The following RNF157 variants were observed in gnomAD, a reference collection of about 807,000 sequenced individuals.
RNF157 encodes the protein ring finger protein 157.
RNF157 carries 55 observed loss-of-function variants against 88.3 expected under a neutral mutation model. The observed-to-expected ratio is 0.62, with a 90% CI of 0.50 to 0.78. The LOEUF is 0.78. Ranked by LOEUF, RNF157 falls within the 30% of genes least tolerant of loss-of-function variation. The pLI is 0.00. For missense variants in RNF157, 788 were observed against 860.8 expected, an observed-to-expected ratio of 0.92 and a Z score of 1.06; for synonymous variants, 334 against 341.2, an observed-to-expected ratio of 0.98 and a Z score of 0.23.
chr17:76,156,180 A>G, intron 14 of RNF157, 30 bp downstream of exon 14: 1 of 1,532,072 alleles, frequency 6.5e-7, no homozygotes, highest in South Asian at 1.1e-5. Flanking sequence ...AGGGGGAAGG[A>G]CATGCAGCCA....
intron 2 of RNF157, among the ~76,000 whole-genome samples, chr17:76,191,230 C>T (rs2069379410): frequency 6.6e-6 from 1 of 151,774 alleles, no homozygotes; most frequent in Non-Finnish European, 1.5e-5. Flanking sequence ...AATCCCAGTA[C>T]TTTGGGAAGC....
Position 76,160,796 on chromosome 17 carries a change from C to CAATCCAAAGTCAACTA in RNF157, c.1065+723_1065+738dup, listed in dbSNP as rs780231234. Among the ~76,000 whole-genome samples the CAATCCAAAGTCAACTA allele has an allele frequency of 2.8e-3, 425 of 152,256 alleles. 1 individual carries two copies. Among genetic ancestry groups the CAATCCAAAGTCAACTA allele is most frequent in the Non-Finnish European group, 4.1e-3 (277 of 68,018 alleles). The stretch of plus-strand genomic sequence containing the variant: ...GCTTTCAAGCTTAGAGAATCCTTTC[C>CAATCCAAAGTCAACTA]AATCCAAAGTCAACTAAATAATCAT... On this transcript the variant is annotated intron_variant, in intron 11 of 18. Coordinates refer to ENST00000269391, the MANE Select transcript of RNF157 (RefSeq NM_052916.3). The surrounding 1 kb of genome is among the most constrained non-coding windows in gnomAD (Gnocchi z 4.3).
chr17:76,156,922 C>T (rs2068773993), intron 13 of RNF157, among the ~76,000 whole-genome samples: 1 of 152,052 alleles, frequency 6.6e-6, no homozygotes, highest in South Asian at 2.1e-4. Context: ...TCCCTCCAGG[C>T]GCTCCTCTTT....
At chr17:76,225,271 A>G (rs1435418168) in intron 1 of RNF157, among the ~76,000 whole-genome samples, 2 of 152,208 alleles carry the variant, frequency 1.3e-5, no homozygotes, top group Non-Finnish European at 2.9e-5. Context: ...GGATCACTTG[A>G]GCCCAGGAGT....
At position 76,161,298 on chromosome 17, in the gene RNF157, G is replaced by C. The variant is rs2068840757; in HGVS notation, c.1065+237C>G. Among the ~76,000 whole-genome samples the C allele has an allele frequency of 6.6e-6, 1 of 152,090 alleles. No homozygotes were observed. The highest frequency in any genetic ancestry group is 2.4e-5 in the African/African-American group (1 of 41,388). ...GTGAAACTGCAAGCAGATGGCTCTA[G>C]GAATGGTAAACATTAACTGGACACC... On this transcript the variant is annotated intron_variant, in intron 11 of 18. Transcript: ENST00000269391. The surrounding 1 kb of genome is among the most constrained non-coding windows in gnomAD (Gnocchi z 4.6).
Position 76,226,351 on chromosome 17 carries a change from G to A in RNF157, c.88+13802C>T, listed in dbSNP as rs1023835642. 24 of 1,598,514 alleles carry A rather than the reference G, an allele frequency of 1.5e-5. No individual in the cohort carries two copies. The Middle Eastern group carries it at 2.6e-3, about 176-fold the overall frequency. On this transcript the variant is annotated intron_variant, in intron 1 of 18. Coordinates refer to ENST00000269391, the MANE Select transcript of RNF157 (RefSeq NM_052916.3). ...GCAAGAAGGTGAAGGGGGCAACCTGGTCGGGTTTTGTTAAACTTTCTGGGA... is the reference window on the plus strand; with the variant it reads ...GCAAGAAGGTGAAGGGGGCAACCTGATCGGGTTTTGTTAAACTTTCTGGGA...
intron 4 of RNF157, among the ~76,000 whole-genome samples, chr17:76,167,357 C>T (rs890256672): frequency 2.0e-5 from 3 of 152,144 alleles, no homozygotes; most frequent in Non-Finnish European, 4.4e-5. Context: ...TGTTAAGGAC[C>T]TGAAGGACTA....
chr17:76,171,048 A>G (rs1415022866), intron 3 of RNF157, among the ~76,000 whole-genome samples: 6 of 151,948 alleles, frequency 3.9e-5, no homozygotes, highest in Non-Finnish European at 8.8e-5. Flanking sequence ...GCCTGCCACC[A>G]TGCCCGGCTA....
At chr17:76,164,701 G>T in intron 8 of RNF157, 47 bp downstream of exon 8, 1 of 1,176,628 alleles carries the variant, frequency 8.5e-7, no homozygotes, top group South Asian at 1.5e-5. Flanking sequence ...AGAATAAAAG[G>T]AAGGAAGGAC....
intron 2 of RNF157, among the ~76,000 whole-genome samples, chr17:76,200,578 G>A (rs2144978240): frequency 6.6e-6 from 1 of 152,308 alleles, no homozygotes; most frequent in Non-Finnish European, 1.5e-5. Context: ...GGGAAATGGT[G>A]AGTCAGTGTC....
intron 2 of RNF157, among the ~76,000 whole-genome samples, chr17:76,204,648 T>C (rs2069647082): frequency 1.3e-5 from 2 of 152,352 alleles, no homozygotes; most frequent in South Asian, 4.1e-4. Context: ...TTTAAATAAC[T>C]TGCTCTTCCT....
Position 76,144,324 on chromosome 17 carries a change from C to CTT in RNF157, c.*909_*910dup, listed in dbSNP as rs537206784. On this transcript the variant is annotated 3_prime_UTR_variant, in exon 19 of 19. Transcript: ENST00000269391. ...GGATTCTCAGATTCAAGGGCTCCTT[C>CTT]TTTTTTTTTTTTTTTCTCTGTCGCC... 9 of 139,598 alleles carry CTT rather than the reference C, an allele frequency of 6.4e-5. No individual in the cohort carries two copies. The highest frequency in any genetic ancestry group is 1.1e-4 in the African/African-American group (4 of 37,692). 8.6% of individuals were successfully genotyped at this position (139,598 alleles called of 1,614,324 possible).
intron 2 of RNF157, among the ~76,000 whole-genome samples, chr17:76,180,137 G>A (rs557616793): frequency 3.5e-4 from 54 of 152,332 alleles, no homozygotes; most frequent in South Asian, 6.2e-4. Context: ...CTCAAGCTCA[G>A]TATGGATTTA....
In RNF157 at chr17:76,210,395, C is replaced by A. The variant is rs553700918; in HGVS notation, c.207+1969G>T. ...GATCACGAGGTCAGATCGAGACCATCCTGGCTAACACAGTGAAACCCCGTC... is the reference window on the plus strand; with the variant it reads ...GATCACGAGGTCAGATCGAGACCATACTGGCTAACACAGTGAAACCCCGTC... On this transcript the variant is annotated intron_variant, in intron 2 of 18. Transcript: ENST00000269391. Among the ~76,000 whole-genome samples the A allele has an allele frequency of 2.0e-5, 3 of 151,670 alleles. No individual in the cohort carries two copies. The South Asian group carries it at 6.2e-4, about 32-fold the overall frequency.
chr17:76,213,292 C>T lies in RNF157; in HGVS notation c.89-810G>A, dbSNP rs567668766. Among the ~76,000 whole-genome samples, 303 of 151,878 alleles carry T rather than the reference C, an allele frequency of 2.0e-3. 2 individuals carry two copies. Among genetic ancestry groups the T allele is most frequent in the African/African-American group, 7.0e-3 (288 of 41,438 alleles). On this transcript the variant is annotated intron_variant, in intron 1 of 18. Coordinates refer to ENST00000269391, the MANE Select transcript of RNF157 (RefSeq NM_052916.3). ...CTTAAAATCCTTGGAATATCCAGGC[C>T]GGCATGGTGGCTCATGCCTGTAATC...
intron 1 of RNF157, among the ~76,000 whole-genome samples, chr17:76,232,103 C>T (rs1332368149): frequency 6.6e-6 from 1 of 152,096 alleles, no homozygotes; most frequent in African/African-American, 2.4e-5. Context: ...TTGAACATGG[C>T]CAGGCGTGTT....
At chr17:76,222,535 A>G (rs979828209) in intron 1 of RNF157, among the ~76,000 whole-genome samples, 3 of 152,146 alleles carry the variant, frequency 2.0e-5, no homozygotes, top group African/African-American at 7.2e-5. Context: ...TTGAATTTTT[A>G]TTTTAACTTC....
At chr17:76,239,429 G>A (rs1434621484) in intron 1 of RNF157, among the ~76,000 whole-genome samples, 1 of 152,076 alleles carries the variant, frequency 6.6e-6, no homozygotes, top group Non-Finnish European at 1.5e-5. Context: ...CCCTGTCCCA[G>A]AGCTGGTCCC....
chr17:76,192,181 T>C (rs1201815161), intron 2 of RNF157, among the ~76,000 whole-genome samples: 1 of 152,210 alleles, frequency 6.6e-6, no homozygotes, highest in Non-Finnish European at 1.5e-5. Context: ...ACAGATGCTT[T>C]AGTTCCACTA....
Sources: gnomAD v4.1 joint callset for allele counts (sites outside exome capture counted in the v4.1 genomes callset) on GRCh38, gnomAD v4.1.1 for gene constraint, Gnocchi (gnomAD v3.1) non-coding constraint, MANE v1.5 for transcripts, NCBI Gene and HGNC (gene_info 2026-07-23, HGNC 2026-07-21) for gene names.